ARHGAP22: variants seen among roughly 807,000 people sequenced by gnomAD.
ARHGAP22 encodes the protein rho GTPase-activating protein 22.
In ARHGAP22, 48 loss-of-function variants were observed where a neutral mutation model predicts 59.1. That is an observed-to-expected ratio of 0.81 (90% CI 0.64 to 1.03). The LOEUF is 1.03. ARHGAP22 is among the 50% of genes least tolerant of loss of function. The pLI is 0.00. For missense variants in ARHGAP22, 1,015 were observed against 958.7 expected (o/e 1.06, Z -0.78); for synonymous variants, 445 against 416.4 (o/e 1.07, Z -0.84).
intron 1 of ARHGAP22, among the ~76,000 whole-genome samples, chr10:48,629,865 A>AT (rs1387503081): frequency 6.6e-6 from 1 of 152,060 alleles, no homozygotes; most frequent in Non-Finnish European, 1.5e-5. Context: ...TCAATCTCTG[A>AT]TTTTTTTCCA....
At chr10:48,560,682 G>A (rs2166226) in intron 2 of ARHGAP22, among the ~76,000 whole-genome samples, 5 of 152,122 alleles carry the variant, frequency 3.3e-5, no homozygotes, top group Admixed American at 6.5e-5. Context: ...TCCTTTGTAT[G>A]CCTGGTTTGT....
At chr10:48,579,146 TCA>T (rs1219525454) in intron 2 of ARHGAP22, among the ~76,000 whole-genome samples, 1 of 152,134 alleles carries the variant, frequency 6.6e-6, no homozygotes, top group Admixed American at 6.5e-5. Context: ...GCTCAACTGA[TCA>T]CATTTAATTT....
chr10:48,460,410 A>G (rs1352719002), intron 4 of ARHGAP22, among the ~76,000 whole-genome samples: 1 of 152,216 alleles, frequency 6.6e-6, no homozygotes, highest in African/African-American at 2.4e-5. Context: ...AGGAAAATGC[A>G]AATCCAAACC....
intron 4 of ARHGAP22, among the ~76,000 whole-genome samples, chr10:48,475,810 T>G (rs1048525628): frequency 6.6e-6 from 1 of 152,226 alleles, no homozygotes; most frequent in Non-Finnish European, 1.5e-5. Flanking sequence ...GGCCAGGTTC[T>G]GCCACTTCTC....
upstream of ARHGAP22, among the ~76,000 whole-genome samples, chr10:48,653,116 T>G (rs563040263): frequency 2.0e-4 from 30 of 152,312 alleles, 1 homozygote; most frequent in South Asian, 4.6e-3. Context: ...CAGCATTGAT[T>G]CAGATGGAGC....
At chr10:48,605,161 G>C, upstream of ARHGAP22, 1 of 1,150,724 alleles carries the variant, frequency 8.7e-7, no homozygotes, top group Non-Finnish European at 1.1e-6. Context: ...GGCCGAGAGG[G>C]GCGGGGCCAG....
At chr10:48,431,340 A>T in the ARHGAP22 span, 1 of 938,986 alleles carries the variant, frequency 1.1e-6, no homozygotes, top group African/African-American at 1.6e-5. Context: ...GTGGCCTGAA[A>T]CCTGCAGTTC....
intron 2 of ARHGAP22, among the ~76,000 whole-genome samples, chr10:48,578,687 G>GT (rs5784765): frequency 0.78 from 116,336 of 149,332 alleles, 45,298 homozygotes; most frequent in East Asian, 0.99. Context: ...TTTTGAAAAA[G>GT]TTTTTTTTTT....
intron 2 of ARHGAP22, among the ~76,000 whole-genome samples, chr10:48,582,135 A>C (rs1485499116): frequency 1.3e-5 from 2 of 152,164 alleles, no homozygotes; most frequent in Non-Finnish European, 2.9e-5. Context: ...GATGGCTGGG[A>C]TGTGAACCAG....
In ARHGAP22 at chr10:48,450,705, G is replaced by A. The variant is rs1466903494; in HGVS notation, c.1424C>T (p.Ser475Leu). ...CGAGTCCTTGAGCCGGTCTCCCGAC[G>A]AGGCCCGGCGGTGTCCGCGCAGGGA... ...LSSLRGHRRA[S>L]SGDRLKDSGS... is the part of the protein sequence containing the mutation. The change falls in exon 9 of 10, where the codon TCG becomes TTG. Residue 475 changes from serine to leucine, a missense_variant. By Grantham distance (145) the Ser-to-Leu change is moderately radical. Coordinates refer to ENST00000249601, the MANE Select transcript of ARHGAP22 (RefSeq NM_021226.4). 9.0e-6 allele frequency: 14 copies of A among 1,553,266 alleles called. No individual in the cohort carries two copies. The highest frequency in any genetic ancestry group is 1.2e-5 in the South Asian group (1 of 84,194).
intron 7 of ARHGAP22, 93 bp downstream of exon 7, chr10:48,453,994 CT>C (rs2046249352): frequency 3.7e-6 from 5 of 1,352,378 alleles, no homozygotes; most frequent in Non-Finnish European, 5.3e-6. Context: ...CCGGGCCCCC[CT>C]CTGACAAGGA....
chr10:48,618,176 C>T (rs2061154871), intron 1 of ARHGAP22, among the ~76,000 whole-genome samples: 3 of 151,952 alleles, frequency 2.0e-5, no homozygotes, highest in Non-Finnish European at 4.4e-5. Flanking sequence ...TGTGAACAGA[C>T]CAATTATGAG....
At position 48,465,254 on chromosome 10, in the gene ARHGAP22, G is replaced by C. The variant is rs551509894; in HGVS notation, c.452-5363C>G. 7.0e-4 allele frequency among the ~76,000 whole-genome samples: 106 copies of C among 152,340 alleles called. 1 individual carries two copies. Among genetic ancestry groups the C allele is most frequent in the African/African-American group, 2.5e-3 (105 of 41,592 alleles). On this transcript the variant is annotated intron_variant, in intron 4 of 9. Transcript: ENST00000249601. ...AGAGCACTGGCTCTGCCACCGCAGG[G>C]GAAACTGGCAGAGGCTGCCTCTCCT...
chr10:48,585,332 C>T (rs556442312), intron 1 of ARHGAP22, among the ~76,000 whole-genome samples: 3 of 152,288 alleles, frequency 2.0e-5, no homozygotes, highest in Non-Finnish European at 4.4e-5. Flanking sequence ...GGTGTGGGCT[C>T]CCAGAGCTCC....
At chr10:48,629,393 T>C (rs2061555332) in intron 1 of ARHGAP22, among the ~76,000 whole-genome samples, 1 of 152,238 alleles carries the variant, frequency 6.6e-6, no homozygotes, top group Non-Finnish European at 1.5e-5. Flanking sequence ...CCTGTTTTCT[T>C]CTAGAAACTT....
intron 3 of ARHGAP22, among the ~76,000 whole-genome samples, chr10:48,524,968 T>C (rs183343097): frequency 2.6e-4 from 39 of 152,362 alleles, no homozygotes; most frequent in South Asian, 1.0e-3. Context: ...TGAGTTGATA[T>C]ATACAAGGAC....
rs142178215 is a variant in ARHGAP22 at position 48,453,502 on chromosome 10, C to T, written c.867-77G>A. The T allele has an allele frequency of 1.4e-4, 226 of 1,583,878 alleles. No homozygotes were observed. In the African/African-American group the frequency reaches 1.9e-3, roughly 13 times the overall value. ...TCTCCTGTGTGCGGCCTGGACGCAC[C>T]GCCACACCCCTGCTGAGCCCTGCTG... On this transcript the variant is annotated intron_variant, in intron 7 of 9. Coordinates refer to ENST00000249601, the MANE Select transcript of ARHGAP22 (RefSeq NM_021226.4).
chr10:48,583,666 G>A (rs970582592), intron 1 of ARHGAP22, among the ~76,000 whole-genome samples: 3 of 152,336 alleles, frequency 2.0e-5, no homozygotes, highest in South Asian at 4.1e-4. Flanking sequence ...GTCTAGCAGG[G>A]TTCCTGTTGC....
chr10:48,583,769 G>C (rs902271395), intron 1 of ARHGAP22, among the ~76,000 whole-genome samples: 1 of 152,142 alleles, frequency 6.6e-6, no homozygotes. Context: ...CTTTGTATTT[G>C]TTCCCTGGGA....
Sources: allele counts gnomAD v4.1 joint callset (sites outside exome capture counted in the v4.1 genomes callset), GRCh38; gene constraint gnomAD v4.1.1; transcripts MANE v1.5; gene names NCBI Gene and HGNC (gene_info 2026-07-23, HGNC 2026-07-21).